EIF2S1: variants seen among roughly 807,000 people sequenced by gnomAD.
The protein encoded by EIF2S1 is eukaryotic translation initiation factor 2 subunit 1.
EIF2S1 carries 5 observed loss-of-function variants against 33.5 expected under a neutral mutation model. That is an observed-to-expected ratio of 0.15 (90% confidence interval 0.08 to 0.31). EIF2S1 has a LOEUF of 0.31. Ranked by LOEUF, EIF2S1 falls within the 10% of genes least tolerant of loss-of-function variation. The pLI is 1.00. For synonymous variants in EIF2S1, 99 were observed against 127.5 expected (o/e 0.78, Z 1.51); for missense variants, 191 against 384.6 (o/e 0.50, Z 4.21).
At chr14:67,363,717 G>A (rs533621950) in intron 1 of EIF2S1, among the ~76,000 whole-genome samples, 2 of 152,310 alleles carry the variant, frequency 1.3e-5, no homozygotes, top group African/African-American at 4.8e-5. Context: ...TCTGTAGGTA[G>A]TGGAAAGATA....
intron 2 of EIF2S1, among the ~76,000 whole-genome samples, chr14:67,369,130 C>T (rs570171906): frequency 5.9e-5 from 9 of 152,104 alleles, no homozygotes; most frequent in Admixed American, 3.9e-4. Context: ...CAAGACTCGA[C>T]GATAATCCTG....
In EIF2S1 at chr14:67,370,648, G is replaced by A. The variant is rs141274107; in HGVS notation, c.242-3820G>A. ...AATTCCTTGCAAAATTTTACTTACTGAAACTGACCAATATAAAATAGAAAT... is the reference window on the plus strand; with the variant it reads ...AATTCCTTGCAAAATTTTACTTACTAAAACTGACCAATATAAAATAGAAAT... On this transcript the variant is annotated intron_variant, in intron 2 of 7. Transcript: ENST00000256383. Among the ~76,000 whole-genome samples, 598 of 152,274 alleles carry A rather than the reference G, an allele frequency of 3.9e-3. 3 individuals carry two copies. The highest frequency in any genetic ancestry group is 7.7e-3 in the Admixed American group (118 of 15,288).
At chr14:67,373,209 A>G (rs939928945) in intron 2 of EIF2S1, among the ~76,000 whole-genome samples, 2 of 152,208 alleles carry the variant, frequency 1.3e-5, no homozygotes, top group African/African-American at 4.8e-5. Flanking sequence ...ACTTGTGTCC[A>G]GTTTTTAGTG....
At chr14:67,373,083 T>C (rs1595647103) in intron 2 of EIF2S1, among the ~76,000 whole-genome samples, 1 of 152,312 alleles carries the variant, frequency 6.6e-6, no homozygotes, top group East Asian at 1.9e-4. Flanking sequence ...TCCACATTGC[T>C]CATGGGAATG....
chr14:67,362,075 G>T (rs2085746522), intron 1 of EIF2S1, among the ~76,000 whole-genome samples: 1 of 146,318 alleles, frequency 6.8e-6, no homozygotes, highest in Admixed American at 6.9e-5. Context: ...AGGCTGGAGT[G>T]TAGTGGCACG....
At chr14:67,377,185 C>T (rs1243506803) in intron 4 of EIF2S1, among the ~76,000 whole-genome samples, 2 of 152,198 alleles carry the variant, frequency 1.3e-5, no homozygotes, top group East Asian at 1.9e-4. Flanking sequence ...ATCATTTTAA[C>T]GACTTTGTTG....
intron 1 of EIF2S1, chr14:67,364,541 T>G: frequency 2.3e-6 from 1 of 431,858 alleles, no homozygotes; most frequent in Non-Finnish European, 4.1e-6. Context: ...AGGCAGAGAA[T>G]CACCCAAGCA....
intron 3 of EIF2S1, 144 bp downstream of exon 3, chr14:67,374,691 T>G: frequency 2.0e-6 from 1 of 502,258 alleles, no homozygotes; most frequent in Non-Finnish European, 3.3e-6. Flanking sequence ...TTTGAAGCCG[T>G]TTTAGGTTAA....
chr14:67,373,716 T>A (rs2085839670), intron 2 of EIF2S1, among the ~76,000 whole-genome samples: 1 of 152,124 alleles, frequency 6.6e-6, no homozygotes. Context: ...TGGGGGGCGC[T>A]GTGGGAAAGA....
intron 3 of EIF2S1, among the ~76,000 whole-genome samples, chr14:67,375,232 C>CTGTGTGTGTG (rs3067321): frequency 1.1e-4 from 15 of 137,670 alleles, no homozygotes; most frequent in South Asian, 2.6e-4. Context: ...ATCCTCAGTT[C>CTGTGTGTGTG]TGTGTGTGTG....
chr14:67,374,035 T>A (rs3784083), intron 2 of EIF2S1, among the ~76,000 whole-genome samples: 28,720 of 151,960 alleles, frequency 0.19, 4,319 homozygotes, highest in East Asian at 0.48. Flanking sequence ...GGTAATGGAA[T>A]ATATATAATT....
chr14:67,382,897 G>A (rs1220274611), intron 7 of EIF2S1, among the ~76,000 whole-genome samples: 3 of 141,636 alleles, frequency 2.1e-5, no homozygotes, highest in East Asian at 2.5e-4. Flanking sequence ...GTGTGTGTAC[G>A]TGCGTGCGTG....
At chr14:67,382,858 C>T (rs1211470739) in intron 7 of EIF2S1, among the ~76,000 whole-genome samples, 1 of 151,996 alleles carries the variant, frequency 6.6e-6, no homozygotes, top group African/African-American at 2.4e-5. Context: ...AAGTTGTCTC[C>T]TGTCTTTTCC....
chr14:67,376,115 G>A (rs949333080), intron 3 of EIF2S1, among the ~76,000 whole-genome samples: 33 of 151,908 alleles, frequency 2.2e-4, no homozygotes, highest in Non-Finnish European at 5.9e-5. Context: ...TTGTATAGCC[G>A]TTTTCCATTT....
At chr14:67,369,221 CTATTAA>C (rs2085802579) in intron 2 of EIF2S1, among the ~76,000 whole-genome samples, 1 of 152,076 alleles carries the variant, frequency 6.6e-6, no homozygotes, top group East Asian at 1.9e-4. Context: ...GAGACAGTGT[CTATTAA>C]TATTAGATAA....
At position 67,385,887 on chromosome 14, in the gene EIF2S1, C is replaced by CAGTT. The variant is rs1172215983; in HGVS notation, c.*2449_*2452dup. Reference sequence around the variant, plus strand: ...AAGCACTACATCATGCTAAGAAGAACAGTTATTACTCAGCTGCCATACTTC... The same window carrying CAGTT: ...AAGCACTACATCATGCTAAGAAGAACAGTTAGTTATTACTCAGCTGCCATACTTC... On this transcript the variant is annotated 3_prime_UTR_variant, in exon 8 of 8. Transcript: ENST00000256383. 1 of 152,126 alleles carries CAGTT rather than the reference C, an allele frequency of 6.6e-6. No individual in the cohort carries two copies. Among genetic ancestry groups the CAGTT allele is most frequent in the African/African-American group, 2.4e-5 (1 of 41,426 alleles). The allele number at this position is 152,126 out of a possible 1,614,324, so 9.4% of individuals were successfully genotyped here.
Position 67,382,431 on chromosome 14 carries a change from T to C in EIF2S1, c.679-16T>C, listed in dbSNP as rs956647755. 1.9e-6 allele frequency: 3 copies of C among 1,603,502 alleles called. No homozygotes were observed. In the African/African-American group the frequency reaches 4.0e-5, roughly 22 times the overall value. The stretch of plus-strand genomic sequence containing the variant: ...GTAGGTACATTCATAAATGAATTTT[T>C]GTCTTTCTCTTTTAGATTAATCTAA... On this transcript the variant is annotated splice_polypyrimidine_tract_variant and intron_variant, in intron 6 of 7. Coordinates refer to ENST00000256383, the MANE Select transcript of EIF2S1 (RefSeq NM_004094.5).
At chr14:67,373,074 C>T (rs977118143) in intron 2 of EIF2S1, among the ~76,000 whole-genome samples, 2 of 152,116 alleles carry the variant, frequency 1.3e-5, no homozygotes, top group African/African-American at 4.8e-5. Context: ...TCTAACTGCT[C>T]CACATTGCTC....
chr14:67,383,326 C>T lies in EIF2S1; in HGVS notation c.834C>T (p.Val278=), dbSNP rs1294419964. The T allele has an allele frequency of 1.2e-6, 2 of 1,613,134 alleles. No homozygotes were observed. Among genetic ancestry groups the T allele is most frequent in the Non-Finnish European group, 1.7e-6 (2 of 1,179,478 alleles). The change falls in exon 8 of 8, where the codon GTC becomes GTT. Residue 278 remains valine (V), a synonymous_variant. Coordinates refer to ENST00000256383, the MANE Select transcript of EIF2S1 (RefSeq NM_004094.5). ...VFNVQMEPKV[V]TDTDETELAR... is the part of the protein sequence containing the mutation. ...CTCTGCTTCCACAGCCCAAAGTGGT[C>T]ACAGATACAGATGAGACTGAACTTG...
Sources: allele counts gnomAD v4.1 joint callset (sites outside exome capture counted in the v4.1 genomes callset), GRCh38; gene constraint gnomAD v4.1.1; transcripts MANE v1.5; gene names NCBI Gene and HGNC (gene_info 2026-07-23, HGNC 2026-07-21).